Variants in TET3 observed in about 807,000 individuals in gnomAD.
TET3 encodes tet methylcytosine dioxygenase 3.
TET3 carries 19 observed loss-of-function variants against 141.4 expected under a neutral mutation model. The observed-to-expected ratio is 0.13, with a 90% CI of 0.09 to 0.20. TET3 has a LOEUF of 0.20. TET3 is among the 10% of genes least tolerant of loss of function. The pLI is 1.00. For missense variants in TET3, 1,874 were observed against 2,356.9 expected, an observed-to-expected ratio of 0.80 and a Z score of 4.24; for synonymous variants, 1,043 against 980.9, an observed-to-expected ratio of 1.06 and a Z score of -1.18.
chr2:74,123,493 C>T, the TET3 span, among the ~76,000 whole-genome samples: 20 of 152,280 alleles, frequency 1.3e-4, no homozygotes, highest in African/African-American at 4.3e-4. Flanking sequence ...TGGGCGGAAC[C>T]GACCAAGAAA....
intron 2 of TET3, among the ~76,000 whole-genome samples, chr2:73,999,937 A>T (rs1684765986): frequency 6.6e-6 from 1 of 152,032 alleles, no homozygotes; most frequent in African/African-American, 2.4e-5. Flanking sequence ...CTGGGGGACT[A>T]TGGGCTCCTC....
At chr2:74,001,514 G>A (rs191611501) in intron 2 of TET3, among the ~76,000 whole-genome samples, 2 of 152,204 alleles carry the variant, frequency 1.3e-5, no homozygotes, top group Admixed American at 6.5e-5. Flanking sequence ...GAGAGGCTAC[G>A]AGAGGTAAGT....
intron 2 of TET3, among the ~76,000 whole-genome samples, chr2:73,988,998 TG>T (rs1309730064): frequency 5.2e-5 from 7 of 135,238 alleles, no homozygotes; most frequent in Non-Finnish European, 6.7e-5. Flanking sequence ...AAGTTTTTTT[TG>T]TTTTTTTTTT....
intron 5 of TET3, among the ~76,000 whole-genome samples, chr2:74,074,936 A>G (rs549785372): frequency 6.6e-5 from 10 of 152,204 alleles, no homozygotes; most frequent in African/African-American, 2.4e-4. Flanking sequence ...CAGTGGCACA[A>G]TCTCAGCTCA....
At chr2:74,061,043 C>CG (rs1198599975) in intron 4 of TET3, among the ~76,000 whole-genome samples, 208 of 152,004 alleles carry the variant, frequency 1.4e-3, no homozygotes, top group African/African-American at 4.8e-3. Context: ...ACCTCCCAGA[C>CG]GGGGTGGTGG....
chr2:74,062,444 C>G (rs1214173536), intron 4 of TET3, among the ~76,000 whole-genome samples: 2 of 152,122 alleles, frequency 1.3e-5, no homozygotes, highest in Admixed American at 1.3e-4. Context: ...TACTTAAACT[C>G]TACTTAAGAT....
chr2:74,112,085 C>G (rs1337250163), downstream of TET3, among the ~76,000 whole-genome samples: 1 of 152,198 alleles, frequency 6.6e-6, no homozygotes, highest in African/African-American at 2.4e-5. Flanking sequence ...CTCAGATAAT[C>G]TTTCTAAAAA....
chr2:74,129,951 C>A, the TET3 span, among the ~76,000 whole-genome samples: 51 of 151,978 alleles, frequency 3.4e-4, no homozygotes, highest in African/African-American at 1.2e-3. Context: ...AAAAATTAGC[C>A]GGGCTTGGTG....
chr2:74,112,435 C>T (rs1382234887), downstream of TET3, among the ~76,000 whole-genome samples: 8 of 151,638 alleles, frequency 5.3e-5, no homozygotes, highest in Middle Eastern at 3.4e-3. Flanking sequence ...ACTATAAAAC[C>T]GCTCCAAATA....
the TET3 span, among the ~76,000 whole-genome samples, chr2:74,118,583 A>G: frequency 6.6e-6 from 1 of 152,306 alleles, no homozygotes; most frequent in South Asian, 2.1e-4. Flanking sequence ...GCCTATTAGT[A>G]AAGTTTTTGG....
rs1225623747 is a variant in TET3 at position 74,103,027 on chromosome 2, C to T, written c.*851C>T. 6.6e-6 allele frequency: 1 copy of T among 152,204 alleles called. No homozygotes were observed. The highest frequency in any genetic ancestry group is 2.4e-5 in the African/African-American group (1 of 41,416). 9.4% of individuals were successfully genotyped at this position (152,204 alleles called of 1,614,324 possible). ...TCTGTCCGTTATTTATGGAGTCACA[C>T]GATGTCATGGTTCACTAGGCAGCAC... On this transcript the variant is annotated 3_prime_UTR_variant, in exon 12 of 12. Transcript: ENST00000409262.
chr2:74,094,073 G>A (rs530079045), intron 10 of TET3, among the ~76,000 whole-genome samples: 2 of 152,310 alleles, frequency 1.3e-5, no homozygotes, highest in South Asian at 2.1e-4. Flanking sequence ...GGGATGAAAC[G>A]GACAAAGTTC....
chr2:74,072,489 G>A (rs1042993281), intron 4 of TET3, among the ~76,000 whole-genome samples: 2 of 150,294 alleles, frequency 1.3e-5, no homozygotes, highest in Non-Finnish European at 2.9e-5. Context: ...TCCAGCCTGG[G>A]CAACAAGAGC....
chr2:74,065,789 A>G (rs1688867355), intron 4 of TET3, among the ~76,000 whole-genome samples: 1 of 141,748 alleles, frequency 7.1e-6, no homozygotes, highest in African/African-American at 2.7e-5. Flanking sequence ...AGACAGAGCG[A>G]GGCTCTGTCT....
At chr2:74,097,195 G>GCGCACACACA (rs1553435448) in intron 10 of TET3, among the ~76,000 whole-genome samples, 12 of 137,960 alleles carry the variant, frequency 8.7e-5, no homozygotes, top group Non-Finnish European at 1.4e-4. Flanking sequence ...AGCCATACAT[G>GCGCACACACA]CACACACACA....
chr2:74,101,060 GGTGTCT>G lies in TET3; in HGVS notation c.4273_4278del (p.Val1425_Ser1426del), dbSNP rs769335152. 6.2e-5 allele frequency: 100 copies of G among 1,612,804 alleles called. 1 individual carries two copies. The highest frequency in any genetic ancestry group is 1.0e-4 in the Admixed American group (6 of 59,842). ...AGATGGGCAAGACACCTCTGTCCGAGGTGTCTCAGAATGGAGGACCCAGTCACCTTT... is the reference window on the plus strand; with the variant it reads ...AGATGGGCAAGACACCTCTGTCCGAGCAGAATGGAGGACCCAGTCACCTTT... On this transcript the variant is annotated inframe_deletion, in exon 12 of 12. Transcript: ENST00000409262. This position sits in a 1 kb window ranked among gnomAD's most constrained non-coding sequence, Gnocchi z 8.5.
chr2:74,080,166 G>A (rs1689726806), intron 5 of TET3, among the ~76,000 whole-genome samples: 1 of 152,210 alleles, frequency 6.6e-6, no homozygotes, highest in Non-Finnish European at 1.5e-5. Flanking sequence ...GGATACAAAT[G>A]CCCATGTTTA....
chr2:74,073,725 T>C, intron 5 of TET3, 86 bp downstream of exon 5: 2 of 1,135,190 alleles, frequency 1.8e-6, no homozygotes, highest in Non-Finnish European at 2.5e-6. Context: ...TTCTTTGCCT[T>C]GTAACAGACA....
Position 74,018,421 on chromosome 2 carries a change from T to C in TET3, c.360+15255T>C, listed in dbSNP as rs542756303. 8.5e-5 allele frequency among the ~76,000 whole-genome samples: 13 copies of C among 152,312 alleles called. No individual in the cohort carries two copies. The East Asian group carries it at 1.5e-3, about 18-fold the overall frequency. ...TTGATTTTTATACAACGAGAATTCA[T>C]CAGTATTTTGGCTTTTCTTACTTAA... On this transcript the variant is annotated intron_variant, in intron 3 of 11. Coordinates refer to ENST00000409262, the MANE Select transcript of TET3 (RefSeq NM_001287491.2).
Sources: allele counts gnomAD v4.1 joint callset (sites outside exome capture counted in the v4.1 genomes callset), GRCh38; gene constraint gnomAD v4.1.1; non-coding constraint Gnocchi (gnomAD v3.1); transcripts MANE v1.5; gene names NCBI Gene and HGNC (gene_info 2026-07-23, HGNC 2026-07-21).